Variants in DPY19L4 observed in about 807,000 individuals in gnomAD.
DPY19L4 encodes dpy-19 like 4, also known as probable C-mannosyltransferase DPY19L4.
DPY19L4 carries 97 observed loss-of-function variants against 102.8 expected under a neutral mutation model. That is an observed-to-expected ratio of 0.94 (90% confidence interval 0.80 to 1.12). The LOEUF (loss-of-function observed/expected upper bound fraction) is 1.12, where lower values mean the gene tolerates loss of function less well. Among genes scored for constraint, DPY19L4 ranks in the 50% most tolerant of loss-of-function variants. The pLI is 0.00. For missense variants in DPY19L4, 815 were observed against 850.4 expected (o/e 0.96, Z 0.52); for synonymous variants, 252 against 283.1 (o/e 0.89, Z 1.10).
intron 13 of DPY19L4, among the ~76,000 whole-genome samples, chr8:94,773,748 G>A (rs1813038399): frequency 6.6e-6 from 1 of 151,574 alleles, no homozygotes; most frequent in African/African-American, 2.4e-5. Context: ...GTGTTTTTGA[G>A]AGACAGGCTG....
intron 9 of DPY19L4, 123 bp from the exon 10 acceptor site, chr8:94,765,588 G>T: frequency 1.3e-6 from 1 of 796,330 alleles, no homozygotes; most frequent in Non-Finnish European, 2.0e-6. Flanking sequence ...CCCTATCTTT[G>T]GTCTCCCAAA....
At chr8:94,744,748 G>GT in intron 6 of DPY19L4, 1 of 344,458 alleles carries the variant, frequency 2.9e-6, no homozygotes, top group East Asian at 7.4e-5. Flanking sequence ...AGTGAGAATT[G>GT]TAAGAAATAA....
Position 94,790,881 on chromosome 8 carries a change from G to C in DPY19L4, c.*971G>C, listed in dbSNP as rs532289597. ...CATACAGATATATTATAAAACACAAGCAATGTTATTTATGAAACTGTGATG... is the reference window on the plus strand; with the variant it reads ...CATACAGATATATTATAAAACACAACCAATGTTATTTATGAAACTGTGATG... On this transcript the variant is annotated 3_prime_UTR_variant, in exon 19 of 19. Transcript: ENST00000414645. 6.6e-6 allele frequency: 1 copy of C among 152,160 alleles called. No homozygotes were observed. Among genetic ancestry groups the C allele is most frequent in the East Asian group, 1.9e-4 (1 of 5,190 alleles). 9.4% of individuals were successfully genotyped at this position (152,160 alleles called of 1,614,324 possible). A position where few individuals can be genotyped will look rare whatever the true frequency, so the allele number is the denominator to read the frequency against.
At position 94,756,094 on chromosome 8, in the gene DPY19L4, T is replaced by C; in HGVS notation, c.670T>C (p.Tyr224His). Residue 224 changes from tyrosine to histidine, a missense_variant, in exon 7 of 19, where the codon TAT becomes CAT. Transcript: ENST00000414645. ...IPLRENWALP[Y>H]FACQIAALTG... Reference sequence around the variant, plus strand: ...TTTAAGAGAAAACTGGGCACTACCATATTTTGCATGCCAAATTGCTGCACT... The same window carrying C: ...TTTAAGAGAAAACTGGGCACTACCACATTTTGCATGCCAAATTGCTGCACT... The C allele has an allele frequency of 6.2e-7, 1 of 1,613,784 alleles. No homozygotes were observed.
rs558896184 is a variant in DPY19L4 at position 94,786,599 on chromosome 8, G to GTGCA, written c.1849-1294_1849-1291dup. On this transcript the variant is annotated intron_variant, in intron 17 of 18. Transcript: ENST00000414645. Reference sequence around the variant, plus strand: ...TTTAGAGAATTTCGTAAAGGCTGGAGTGCAGTGGCATGATCTCGGCTCACT... The same window carrying GTGCA: ...TTTAGAGAATTTCGTAAAGGCTGGAGTGCATGCAGTGGCATGATCTCGGCTCACT... 1.2e-3 allele frequency among the ~76,000 whole-genome samples: 186 copies of GTGCA among 152,202 alleles called. 2 individuals are homozygous for GTGCA. Among genetic ancestry groups the GTGCA allele is most frequent in the African/African-American group, 4.4e-3 (182 of 41,522 alleles).
At chr8:94,732,811 CTT>C (rs10624368) in intron 2 of DPY19L4, among the ~76,000 whole-genome samples, 10 of 128,066 alleles carry the variant, frequency 7.8e-5, no homozygotes, top group Non-Finnish European at 6.4e-5. Context: ...CTTTTTCTTT[CTT>C]TTTTTTTTTT....
chr8:94,767,595 C>G (rs574259249), intron 11 of DPY19L4, among the ~76,000 whole-genome samples: 5 of 151,924 alleles, frequency 3.3e-5, no homozygotes, highest in Non-Finnish European at 4.4e-5. Flanking sequence ...CCTGGCTCAA[C>G]GAGGAGTCTT....
chr8:94,744,559 C>T (rs1328322867), intron 6 of DPY19L4: 1 of 456,176 alleles, frequency 2.2e-6, no homozygotes, highest in Non-Finnish European at 4.4e-6. Context: ...ATCATTGGGA[C>T]CGTCTTGGAG....
chr8:94,791,363 T>C lies in DPY19L4; in HGVS notation c.*1453T>C, dbSNP rs1291488626. The C allele has an allele frequency of 6.6e-6, 1 of 152,220 alleles. No homozygotes were observed. Among genetic ancestry groups the C allele is most frequent in the East Asian group, 1.9e-4 (1 of 5,208 alleles). 9.4% of individuals were successfully genotyped at this position (152,220 alleles called of 1,614,324 possible). ...CATTCTTAGACTAACTCTCAGATGC[T>C]TTGCTCTTTTGGAGCTGAAGAATTG... On this transcript the variant is annotated 3_prime_UTR_variant, in exon 19 of 19. Coordinates refer to ENST00000414645, the MANE Select transcript of DPY19L4 (RefSeq NM_181787.3).
intron 10 of DPY19L4, 57 bp downstream of exon 10, chr8:94,765,866 G>A: frequency 9.0e-7 from 1 of 1,107,126 alleles, no homozygotes; most frequent in Non-Finnish European, 1.3e-6. Flanking sequence ...AAATATATTG[G>A]ACTACATTTT....
intron 13 of DPY19L4, among the ~76,000 whole-genome samples, chr8:94,773,124 G>A (rs1813002112): frequency 6.7e-6 from 1 of 149,826 alleles, no homozygotes; most frequent in African/African-American, 2.5e-5. Context: ...TAAGGCAGGA[G>A]AATCGCTTGA....
At chr8:94,726,475 C>A in intron 2 of DPY19L4, 34 bp downstream of exon 2, 1 of 1,515,782 alleles carries the variant, frequency 6.6e-7, no homozygotes, top group Non-Finnish European at 9.0e-7. Flanking sequence ...TGTGCTACTA[C>A]AAAAATAGTT....
intron 17 of DPY19L4, among the ~76,000 whole-genome samples, chr8:94,786,825 G>A (rs1165915263): frequency 6.6e-6 from 1 of 152,218 alleles, no homozygotes; most frequent in Non-Finnish European, 1.5e-5. Flanking sequence ...TGGGATTACA[G>A]GCGTGAGACA....
At chr8:94,727,406 G>T (rs1047927813) in intron 2 of DPY19L4, among the ~76,000 whole-genome samples, 1 of 152,140 alleles carries the variant, frequency 6.6e-6, no homozygotes, top group Non-Finnish European at 1.5e-5. Context: ...GCTAATTTTT[G>T]TATTTTTGGT....
At chr8:94,733,634 C>G (rs568590785) in intron 2 of DPY19L4, among the ~76,000 whole-genome samples, 1 of 151,542 alleles carries the variant, frequency 6.6e-6, no homozygotes, top group South Asian at 2.1e-4. Context: ...CTCCGCCTCC[C>G]AGGTTCAAGT....
chr8:94,726,442 G>T lies in DPY19L4; in HGVS notation c.127+1G>T, dbSNP rs139917646. The T allele has an allele frequency of 6.2e-7, 1 of 1,601,060 alleles. No homozygotes were observed. Among genetic ancestry groups the T allele is most frequent in the Admixed American group, 1.8e-5 (1 of 57,028 alleles). ...CCAATTCCTGAAAGAGCTCCAAAAC[G>T]TAAGTTAGATAGACTTGGAATTTGT... On this transcript the variant is annotated splice_donor_variant, in intron 2 of 18. Transcript: ENST00000414645. LOFTEE classifies it high-confidence loss of function.
chr8:94,788,083 G>A lies in DPY19L4; in HGVS notation c.2007+31G>A, dbSNP rs944419205. On this transcript the variant is annotated intron_variant, in intron 18 of 18. Transcript: ENST00000414645. Reference sequence around the variant, plus strand: ...TAACCATTTGGAAAGTTATATATATGTATATATATATATTTTTTTTTTAGA... The same window carrying A: ...TAACCATTTGGAAAGTTATATATATATATATATATATATTTTTTTTTTAGA... 8.4e-4 allele frequency: 843 copies of A among 1,009,326 alleles called. 9 individuals carry two copies. The African/African-American group carries it at 0.014, about 16-fold the overall frequency. The allele number at this position is 1,009,326 out of a possible 1,614,324, so 62.5% of individuals were successfully genotyped here.
At chr8:94,751,273 C>T (rs1052745860) in intron 6 of DPY19L4, among the ~76,000 whole-genome samples, 3 of 151,574 alleles carry the variant, frequency 2.0e-5, no homozygotes, top group South Asian at 2.1e-4. Context: ...CGCCCGCCAC[C>T]GCGCCTGGCT....
chr8:94,726,615 A>G (rs1453153262), intron 2 of DPY19L4, among the ~76,000 whole-genome samples, 174 bp downstream of exon 2: 2 of 152,238 alleles, frequency 1.3e-5, no homozygotes, highest in African/African-American at 2.4e-5. Flanking sequence ...TTTATTTCTA[A>G]TTAATATTAC....
Sources: gnomAD v4.1 joint callset for allele counts (sites outside exome capture counted in the v4.1 genomes callset) on GRCh38, gnomAD v4.1.1 for gene constraint, MANE v1.5 for transcripts, NCBI Gene and HGNC (gene_info 2026-07-23, HGNC 2026-07-21) for gene names.